The following SPTB variants were observed in gnomAD, a reference collection of about 807,000 sequenced individuals.
SPTB encodes the protein spectrin beta chain, erythrocytic.
In SPTB, 45 loss-of-function variants were observed where a neutral mutation model predicts 256.2. That is an observed-to-expected ratio of 0.18 (90% CI 0.14 to 0.23). The LOEUF (loss-of-function observed/expected upper bound fraction) is 0.23, where lower values mean the gene tolerates loss of function less well. Among genes scored for constraint, SPTB ranks in the 10% least tolerant of loss-of-function variants. The probability of loss-of-function intolerance (pLI) is 1.00; values close to 1 mark genes in which losing one functional copy is unlikely to be tolerated. For synonymous variants in SPTB, 1,231 were observed against 1,243.1 expected, an observed-to-expected ratio of 0.99 and a Z score of 0.21; for missense variants, 2,715 against 3,040.4, an observed-to-expected ratio of 0.89 and a Z score of 2.52.
chr14:64,860,611 T>C (rs926322373), intron 1 of SPTB, among the ~76,000 whole-genome samples: 24 of 152,026 alleles, frequency 1.6e-4, no homozygotes, highest in African/African-American at 5.8e-4. Flanking sequence ...GAAAAAAGGA[T>C]CGAGCCTGCC....
At chr14:64,843,216 A>G (rs1254405322) in intron 1 of SPTB, among the ~76,000 whole-genome samples, 1 of 152,186 alleles carries the variant, frequency 6.6e-6, no homozygotes, top group Non-Finnish European at 1.5e-5. Context: ...TCTGATGAAA[A>G]CAAATAGCCT....
intron 1 of SPTB, among the ~76,000 whole-genome samples, chr14:64,874,132 A>G (rs1055513533): frequency 2.0e-5 from 3 of 152,188 alleles, no homozygotes; most frequent in Non-Finnish European, 4.4e-5. Context: ...CACTTCTGCC[A>G]TGTGGAACTA....
At chr14:64,870,966 G>A (rs1951494) in intron 1 of SPTB, among the ~76,000 whole-genome samples, 4 of 152,030 alleles carry the variant, frequency 2.6e-5, no homozygotes, top group Non-Finnish European at 5.9e-5. Context: ...GATGAAAAAC[G>A]TCCATCTTTT....
At position 64,852,057 on chromosome 14, in the gene SPTB, G is replaced by T. The variant is rs898003162; in HGVS notation, c.-52+27735C>A. ...ATATTTAAAAAGCCCCCAGTAGCTT[G>T]CAGTTGAGTATTTGAAAAGTTGTAA... is the stretch of plus-strand genomic sequence containing the variant. On this transcript the variant is annotated intron_variant, in intron 1 of 35. Transcript: ENST00000644917. This position sits in a 1 kb window ranked among gnomAD's most constrained non-coding sequence, Gnocchi z 4.2. 1.3e-5 allele frequency among the ~76,000 whole-genome samples: 2 copies of T among 152,186 alleles called. No individual in the cohort carries two copies. The highest frequency in any genetic ancestry group is 2.9e-5 in the Non-Finnish European group (2 of 68,026).
intron 32 of SPTB, chr14:64,763,641 G>T: frequency 2.1e-6 from 1 of 487,800 alleles, no homozygotes; most frequent in Non-Finnish European, 4.2e-6. Context: ...CTCAAATCAC[G>T]CAGGAAGTTA....
chr14:64,804,397 TG>T (rs2082944259), intron 3 of SPTB, among the ~76,000 whole-genome samples: 1 of 152,138 alleles, frequency 6.6e-6, no homozygotes, highest in Non-Finnish European at 1.5e-5. Context: ...ATTTTACACA[TG>T]GGGGAAATGG....
Position 64,830,375 on chromosome 14 carries a change from TA to T in SPTB, c.-51-7231del, listed in dbSNP as rs61508150. Among the ~76,000 whole-genome samples, 150 of 42,644 alleles carry T rather than the reference TA, an allele frequency of 3.5e-3. 1 individual carries two copies. The highest frequency in any genetic ancestry group is 0.013 in the Admixed American group (60 of 4,490). The allele number at this position is 42,644 out of a possible 152,430, so 28.0% of individuals were successfully genotyped here. On this transcript the variant is annotated intron_variant, in intron 1 of 35. Coordinates refer to ENST00000644917, the MANE Select transcript of SPTB (RefSeq NM_001355436.2). ...TTATTATTATTATTATTATTATTAT[TA>T]TTATTTTATTTTATTTTTTGAGATG...
chr14:64,767,814 G>T lies in SPTB; in HGVS notation c.6068C>A (p.Ala2023Glu), dbSNP rs367841692. ...QFSRDASVAEAWLIAQEPYLA... is the reference protein window; with the variant it reads ...QFSRDASVAEEWLIAQEPYLA... ...GTAGGGCTCCTGGGCAATCAGCCAC[G>T]CCTCAGCCACAGAGGCATCCCTCGA... Residue 2023 changes from alanine to glutamate, a missense_variant, in exon 30 of 36, where the codon GCG (alanine) becomes GAG (glutamate). Transcript: ENST00000644917. The T allele has an allele frequency of 1.2e-6, 2 of 1,613,964 alleles. No individual in the cohort carries two copies. The highest frequency in any genetic ancestry group is 2.2e-5 in the South Asian group (2 of 91,078).
chr14:64,813,970 C>G (rs928872511), intron 2 of SPTB, among the ~76,000 whole-genome samples: 1 of 152,232 alleles, frequency 6.6e-6, no homozygotes, highest in African/African-American at 2.4e-5. Context: ...TCTGTTTAAC[C>G]AGTTAGGGAA....
Position 64,774,399 on chromosome 14 carries a change from C to A in SPTB, c.4971G>T (p.Glu1657Asp). Residue 1657 changes from glutamate to aspartate, a missense_variant and splice_region_variant, in exon 24 of 36, where the codon GAG (glutamate) becomes GAT (aspartate). By Grantham distance (45) the Glu-to-Asp change is conservative (BLOSUM62 2). Coordinates refer to ENST00000644917, the MANE Select transcript of SPTB (RefSeq NM_001355436.2). ...AQGLLSAGHP[E>D]GEQIIRLQGQ... ...GTCACCACAGGGGGCGCACGCACCC[C>A]TCAGGGTGGCCTGCAGACAGCAGGC... 1.3e-6 allele frequency: 2 copies of A among 1,587,532 alleles called. No homozygotes were observed. Among genetic ancestry groups the A allele is most frequent in the Non-Finnish European group, 8.6e-7 (1 of 1,167,846 alleles).
intron 1 of SPTB, among the ~76,000 whole-genome samples, chr14:64,838,800 C>G (rs978348828): frequency 1.3e-5 from 2 of 152,028 alleles, no homozygotes; most frequent in African/African-American, 4.8e-5. Flanking sequence ...ACAGGTATTA[C>G]CTGAGAGAAA....
At chr14:64,862,839 A>G (rs1881934583) in intron 1 of SPTB, among the ~76,000 whole-genome samples, 1 of 150,038 alleles carries the variant, frequency 6.7e-6, no homozygotes, top group Admixed American at 6.7e-5. Flanking sequence ...CACAAAACAA[A>G]CAAAAAGCTA....
intron 1 of SPTB, among the ~76,000 whole-genome samples, chr14:64,856,041 C>T (rs759624210): frequency 4.6e-5 from 7 of 152,240 alleles, no homozygotes; most frequent in Middle Eastern, 3.2e-3. Context: ...CACAGCCCAG[C>T]TGGCCCCAAG....
At chr14:64,839,821 G>T (rs1183338587) in intron 1 of SPTB, among the ~76,000 whole-genome samples, 29 of 152,284 alleles carry the variant, frequency 1.9e-4, no homozygotes, top group Non-Finnish European at 1.5e-5. Flanking sequence ...GATACAACAA[G>T]ATAGAGCTAT....
At chr14:64,800,145 G>A (rs544047964) in intron 8 of SPTB, among the ~76,000 whole-genome samples, 20 of 152,336 alleles carry the variant, frequency 1.3e-4, no homozygotes, top group Non-Finnish European at 1.8e-4. Context: ...CTTGCCAATC[G>A]GCAGCGAGCT....
rs558749335 is a variant in SPTB, at chr14:64,770,083, T to C, written c.5799-355A>G. ...AAGAAGCCAGTCACAAAAGACCACA[T>C]ATTGTATGATTCCATTTATATGAAA... is the stretch of plus-strand genomic sequence containing the variant. On this transcript the variant is annotated intron_variant, in intron 27 of 35. Coordinates refer to ENST00000644917, the MANE Select transcript of SPTB (RefSeq NM_001355436.2). Among the ~76,000 whole-genome samples, 13 of 152,262 alleles carry C rather than the reference T, an allele frequency of 8.5e-5. No individual in the cohort carries two copies. In the South Asian group the frequency reaches 1.0e-3, roughly 12 times the overall value.
chr14:64,862,272 C>T (rs771675286), intron 1 of SPTB, among the ~76,000 whole-genome samples: 1 of 152,134 alleles, frequency 6.6e-6, no homozygotes, highest in Non-Finnish European at 1.5e-5. Flanking sequence ...TCCAGCCACT[C>T]TCAGCGGCTC....
At chr14:64,833,288 C>T (rs534353177) in intron 1 of SPTB, among the ~76,000 whole-genome samples, 10 of 152,292 alleles carry the variant, frequency 6.6e-5, no homozygotes, top group Non-Finnish European at 1.2e-4. Flanking sequence ...CGGTGGCTCA[C>T]GCCCATAATC....
Position 64,802,184 on chromosome 14 carries a change from G to C in SPTB, c.566+42C>G, listed in dbSNP as rs762251599. 4.4e-6 allele frequency: 7 copies of C among 1,578,890 alleles called. No homozygotes were observed. In the Admixed American group the frequency reaches 1.2e-4, roughly 26 times the overall value. On this transcript the variant is annotated intron_variant, in intron 5 of 35. Coordinates refer to ENST00000644917, the MANE Select transcript of SPTB (RefSeq NM_001355436.2). The surrounding 1 kb of genome is among the most constrained non-coding windows in gnomAD (Gnocchi z 5.1). The stretch of plus-strand genomic sequence containing the variant: ...ATGGCAGTGCTTGTGCGGAGCAAGG[G>C]GCTGGTGGTGGATGTGCTAACAGCT...
Sources: allele counts gnomAD v4.1 joint callset (sites outside exome capture counted in the v4.1 genomes callset), GRCh38; gene constraint gnomAD v4.1.1; non-coding constraint Gnocchi (gnomAD v3.1); transcripts MANE v1.5; gene names NCBI Gene and HGNC (gene_info 2026-07-23, HGNC 2026-07-21).